The following PCDH7 variants were observed in gnomAD, a reference collection of about 807,000 sequenced individuals.
PCDH7 encodes protocadherin-7.
In PCDH7, 17 loss-of-function variants were observed where a neutral mutation model predicts 58.9. That is an observed-to-expected ratio of 0.29 (90% CI 0.20 to 0.43). The LOEUF (loss-of-function observed/expected upper bound fraction) is 0.43, where lower values mean the gene tolerates loss of function less well. Among genes scored for constraint, PCDH7 ranks in the 20% least tolerant of loss-of-function variants. The pLI is 1.00. For missense variants in PCDH7, 1,274 were observed against 1,441.0 expected, an observed-to-expected ratio of 0.88 and a Z score of 1.88; for synonymous variants, 664 against 616.4, an observed-to-expected ratio of 1.08 and a Z score of -1.14.
At chr4:31,063,259 T>G (rs1578693229) in intron 3 of PCDH7, among the ~76,000 whole-genome samples, 1 of 151,880 alleles carries the variant, frequency 6.6e-6, no homozygotes, top group Admixed American at 6.6e-5. Flanking sequence ...TCAAAAAGCT[T>G]ATTCAGATAG....
chr4:31,080,736 A>C (rs1036975832), intron 3 of PCDH7, among the ~76,000 whole-genome samples: 1 of 152,204 alleles, frequency 6.6e-6, no homozygotes, highest in Non-Finnish European at 1.5e-5. Context: ...ACTAGTACCA[A>C]GCTAAATATT....
At chr4:31,131,982 T>C (rs998248362) in intron 3 of PCDH7, among the ~76,000 whole-genome samples, 2 of 152,190 alleles carry the variant, frequency 1.3e-5, no homozygotes, top group Non-Finnish European at 2.9e-5. Context: ...ACTTCAAATA[T>C]GATTTGAACT....
At chr4:30,955,709 T>G (rs1430730900) in intron 3 of PCDH7, among the ~76,000 whole-genome samples, 1 of 151,464 alleles carries the variant, frequency 6.6e-6, no homozygotes, top group Non-Finnish European at 1.5e-5. Flanking sequence ...CCACCACACC[T>G]GGCTAATTTT....
At chr4:30,984,958 T>C (rs1314056663) in intron 3 of PCDH7, among the ~76,000 whole-genome samples, 1 of 152,026 alleles carries the variant, frequency 6.6e-6, no homozygotes, top group Non-Finnish European at 1.5e-5. Context: ...TGTTTTATAT[T>C]TCATCTTTTT....
intron 3 of PCDH7, among the ~76,000 whole-genome samples, chr4:31,035,130 G>A (rs1755284153): frequency 6.6e-6 from 1 of 152,094 alleles, no homozygotes; most frequent in African/African-American, 2.4e-5. Flanking sequence ...GTGCTCTCAT[G>A]GGAGAAACAT....
At chr4:31,009,637 A>G (rs998463583) in intron 3 of PCDH7, among the ~76,000 whole-genome samples, 7 of 151,900 alleles carry the variant, frequency 4.6e-5, no homozygotes, top group African/African-American at 1.4e-4. Context: ...TATTTTTTAT[A>G]TATCTATATA....
chr4:30,950,486 T>A (rs1337777766), intron 3 of PCDH7, among the ~76,000 whole-genome samples: 1 of 152,142 alleles, frequency 6.6e-6, no homozygotes, highest in Admixed American at 6.6e-5. Context: ...AAAATATGTA[T>A]AAAATAAATG....
At chr4:30,915,092 C>A (rs570227363) in intron 1 of PCDH7, among the ~76,000 whole-genome samples, 5 of 152,260 alleles carry the variant, frequency 3.3e-5, no homozygotes, top group African/African-American at 9.6e-5. Context: ...TCTTGTTGAG[C>A]ACCCCTTTTT....
At position 30,956,038 on chromosome 4, in the gene PCDH7, C is replaced by CAA. The variant is rs111270548; in HGVS notation, c.*7+5833_*7+5834dup. Among the ~76,000 whole-genome samples, 7 of 125,848 alleles carry CAA rather than the reference C, an allele frequency of 5.6e-5. No homozygotes were observed. In the East Asian group the frequency reaches 6.8e-4, roughly 12 times the overall value. 82.6% of individuals were successfully genotyped at this position (125,848 alleles called of 152,430 possible). A position where few individuals can be genotyped will look rare whatever the true frequency, so the allele number is the denominator to read the frequency against. On this transcript the variant is annotated intron_variant, in intron 3 of 3. Transcript: ENST00000509759. Reference sequence around the variant, plus strand: ...TCTCTACTGAAAATACAAAAACAAACAAAAAAAAAAAGCAAAAAAAAAACA... The same window carrying CAA: ...TCTCTACTGAAAATACAAAAACAAACAAAAAAAAAAAAAGCAAAAAAAAAACA...
chr4:30,939,686 T>G (rs1578358954), intron 2 of PCDH7, among the ~76,000 whole-genome samples: 1 of 152,118 alleles, frequency 6.6e-6, no homozygotes, highest in Non-Finnish European at 1.5e-5. Flanking sequence ...ATAAAGGAAT[T>G]TAATACGCAC....
rs115214354 is a variant in PCDH7, at chr4:31,109,500, A to T, written c.*8-32973A>T. ...GTTGTTAGAATGTTACATGATAGAGATTTATTTATTCAAAGGTAAAATTAC... is the reference window on the plus strand; with the variant it reads ...GTTGTTAGAATGTTACATGATAGAGTTTTATTTATTCAAAGGTAAAATTAC... On this transcript the variant is annotated intron_variant, in intron 3 of 3. Transcript: ENST00000509759. Among the ~76,000 whole-genome samples the T allele has an allele frequency of 1.2e-3, 177 of 152,310 alleles. 1 individual carries two copies. Among genetic ancestry groups the T allele is most frequent in the African/African-American group, 4.1e-3 (170 of 41,582 alleles).
In PCDH7 at chr4:30,818,009, C is replaced by G. The variant is rs550624198; in HGVS notation, c.70+93413C>G. Among the ~76,000 whole-genome samples, 225 of 152,284 alleles carry G rather than the reference C, an allele frequency of 1.5e-3. 1 individual carries two copies. Among genetic ancestry groups the G allele is most frequent in the African/African-American group, 5.1e-3 (214 of 41,558 alleles). On this transcript the variant is annotated intron_variant, in intron 1 of 3. Transcript: ENST00000509759. ...CACATTCTTCTCACTCAGCTTCAGC[C>G]ACAGTGGCCTCCTCCTTGTTCTTGC...
At chr4:31,077,461 T>C (rs1171420908) in intron 3 of PCDH7, among the ~76,000 whole-genome samples, 1 of 151,900 alleles carries the variant, frequency 6.6e-6, no homozygotes, top group East Asian at 1.9e-4. Flanking sequence ...GCAAGTCTTT[T>C]CCAAAAGGAC....
intron 1 of PCDH7, chr4:30,783,306 G>A (rs192989964): frequency 6.6e-6 from 1 of 152,156 alleles, no homozygotes; most frequent in African/African-American, 2.4e-5. Context: ...TCAACTTCCT[G>A]TTGTTAGACT....
Position 31,025,943 on chromosome 4 carries a change from T to A in PCDH7, c.*7+75728T>A, listed in dbSNP as rs367869355. ...TAAAAAAGTAACAATGCTTAACATA[T>A]AAGACTCAAACGTTTTTAGACAACC... On this transcript the variant is annotated intron_variant, in intron 3 of 3. Coordinates refer to the PCDH7 transcript ENST00000509759. 5.9e-5 allele frequency among the ~76,000 whole-genome samples: 9 copies of A among 152,338 alleles called. 1 individual carries two copies. In the East Asian group the frequency reaches 1.2e-3, roughly 20 times the overall value.
At chr4:31,140,144 G>C (rs1720070920) in intron 3 of PCDH7, among the ~76,000 whole-genome samples, 1 of 152,184 alleles carries the variant, frequency 6.6e-6, no homozygotes, top group African/African-American at 2.4e-5. Flanking sequence ...GCTGTAGGTA[G>C]TTTAGGTACA....
intron 1 of PCDH7, among the ~76,000 whole-genome samples, chr4:30,856,977 G>T (rs985549123): frequency 1.3e-5 from 2 of 151,294 alleles, no homozygotes; most frequent in African/African-American, 4.9e-5. Context: ...CAGGCATTTC[G>T]GTTATGAGAG....
intron 2 of PCDH7, among the ~76,000 whole-genome samples, chr4:30,921,634 T>C (rs1251688599): frequency 1.3e-5 from 2 of 152,116 alleles, no homozygotes; most frequent in African/African-American, 4.8e-5. Flanking sequence ...AGAGTTAAAA[T>C]GGCATTTTGC....
chr4:30,777,741 A>AC (rs1363091974), intron 1 of PCDH7, among the ~76,000 whole-genome samples: 2 of 152,168 alleles, frequency 1.3e-5, no homozygotes, highest in African/African-American at 4.8e-5. Context: ...TTACTACGTT[A>AC]CATTTATTAA....
Sources: allele counts gnomAD v4.1 joint callset (sites outside exome capture counted in the v4.1 genomes callset), GRCh38; gene constraint gnomAD v4.1.1; transcripts MANE v1.5; gene names NCBI Gene and HGNC (gene_info 2026-07-23, HGNC 2026-07-21).